Variants in BFSP1 observed in about 807,000 individuals in gnomAD.
BFSP1 encodes filensin.
BFSP1 carries 38 observed loss-of-function variants against 43.9 expected under a neutral mutation model. That is an observed-to-expected ratio of 0.87 (90% CI 0.67 to 1.14). The LOEUF (loss-of-function observed/expected upper bound fraction) is 1.14. Among genes scored for constraint, BFSP1 ranks in the 50% most tolerant of loss-of-function variants. BFSP1 has a pLI of 0.00. For synonymous variants in BFSP1, 352 were observed against 354.8 expected, an observed-to-expected ratio of 0.99 and a Z score of 0.09; for missense variants, 850 against 875.1, an observed-to-expected ratio of 0.97 and a Z score of 0.36.
rs918789168 is a variant in BFSP1, at chr20:17,516,870, G to A, written c.439-2054C>T. The A allele has an allele frequency of 8.2e-5, 54 of 661,928 alleles. No individual in the cohort carries two copies. In the South Asian group the frequency reaches 9.3e-4, roughly 11 times the overall value. The allele number at this position is 661,928 out of a possible 1,614,324, so 41.0% of individuals were successfully genotyped here. A position where few individuals can be genotyped will look rare whatever the true frequency, so the allele number is the denominator to read the frequency against. On this transcript the variant is annotated intron_variant, in intron 2 of 7. Transcript: ENST00000377873. ...GCAGATTTTTGTGAAAACCCTCACA[G>A]GGAAGACCATCACCCTCAAGGTTGA...
intron 1 of BFSP1, among the ~76,000 whole-genome samples, chr20:17,549,267 G>A (rs141552168): frequency 5.3e-5 from 8 of 152,074 alleles, no homozygotes; most frequent in Non-Finnish European, 1.0e-4. Context: ...GTCTGTACTC[G>A]CACTGCTATA....
chr20:17,561,607 T>A (rs967689743), upstream of BFSP1, among the ~76,000 whole-genome samples: 5 of 152,238 alleles, frequency 3.3e-5, no homozygotes, highest in Non-Finnish European at 5.9e-5. Flanking sequence ...GCTGCATTTC[T>A]GCATGTATTG....
intron 5 of BFSP1, among the ~76,000 whole-genome samples, chr20:17,505,926 A>C (rs2123474508): frequency 1.3e-5 from 2 of 152,300 alleles, no homozygotes; most frequent in East Asian, 3.9e-4. Flanking sequence ...TTGGTGCTAC[A>C]CCCTTGAATA....
At chr20:17,554,136 A>G (rs1259520236) in intron 1 of BFSP1, among the ~76,000 whole-genome samples, 1 of 152,024 alleles carries the variant, frequency 6.6e-6, no homozygotes, top group Non-Finnish European at 1.5e-5. Context: ...AACAAAAGAA[A>G]ATATAAAAAT....
intron 7 of BFSP1, among the ~76,000 whole-genome samples, chr20:17,496,218 C>CA (rs2033628511): frequency 1.3e-5 from 2 of 152,262 alleles, no homozygotes; most frequent in Non-Finnish European, 2.9e-5. Flanking sequence ...GTTCCCTTTC[C>CA]AACCATGTTG....
intron 5 of BFSP1, 96 bp from the exon 6 acceptor site, chr20:17,499,136 T>C (rs2033730369): frequency 9.2e-7 from 1 of 1,090,922 alleles, no homozygotes; most frequent in African/African-American, 1.6e-5. Context: ...GTGAATGTTT[T>C]ATGTTGTTTG....
At chr20:17,515,876 C>T (rs914617729) in intron 2 of BFSP1, among the ~76,000 whole-genome samples, 7 of 152,178 alleles carry the variant, frequency 4.6e-5, no homozygotes, top group South Asian at 2.1e-4. Context: ...AAGGGGAACA[C>T]GTGGTCTGAC....
intron 4 of BFSP1, 74 bp downstream of exon 4, chr20:17,511,902 G>A (rs2034089589): frequency 2.2e-6 from 3 of 1,375,482 alleles, no homozygotes; most frequent in African/African-American, 1.4e-5. Context: ...TCCAACCTGT[G>A]AGCCCTTCCC....
At chr20:17,547,026 C>CAAAAAA (rs11324389) in intron 1 of BFSP1, among the ~76,000 whole-genome samples, 4 of 77,594 alleles carry the variant, frequency 5.2e-5, no homozygotes, top group Admixed American at 1.5e-4. Flanking sequence ...GACTCCATCT[C>CAAAAAA]AAAAAAAAAA....
In BFSP1 at chr20:17,541,095, C is replaced by T. The variant is rs758220018; in HGVS notation, c.3-16187G>A. ...ATCCCAGCTACTTGAGAGGCTGAGG[C>T]GGGAGGATCACTGGAGACCGGGAGT... On this transcript the variant is annotated intron_variant, in intron 1 of 7. Coordinates refer to the BFSP1 transcript ENST00000377868. The T allele has an allele frequency of 6.1e-4, 121 of 197,972 alleles. 1 individual carries two copies. Among genetic ancestry groups the T allele is most frequent in the Middle Eastern group, 2.6e-3 (1 of 392 alleles). The allele number at this position is 197,972 out of a possible 1,614,324, so 12.3% of individuals were successfully genotyped here.
chr20:17,564,096 G>A (rs1046963743), intron 1 of BFSP1, among the ~76,000 whole-genome samples: 2 of 151,940 alleles, frequency 1.3e-5, no homozygotes, highest in Non-Finnish European at 2.9e-5. Context: ...ACTTTGGGAG[G>A]CGGAGGCAGG....
chr20:17,542,287 T>G (rs137971955), intron 1 of BFSP1, among the ~76,000 whole-genome samples: 1 of 152,126 alleles, frequency 6.6e-6, no homozygotes, highest in Non-Finnish European at 1.5e-5. Context: ...AAGACATTTC[T>G]CTCCTAGAAA....
chr20:17,532,417 A>G (rs958337737), upstream of BFSP1, among the ~76,000 whole-genome samples: 6 of 151,558 alleles, frequency 4.0e-5, no homozygotes, highest in African/African-American at 9.7e-5. Context: ...AAAAAAAAAA[A>G]AAAAGAAAAA....
At chr20:17,506,839 TTATCTG>T (rs2033949582) in intron 5 of BFSP1, 1 of 152,176 alleles carries the variant, frequency 6.6e-6, no homozygotes, top group Admixed American at 6.5e-5. Flanking sequence ...TTCCTTTAAA[TTATCTG>T]TATTTTATTT....
intron 1 of BFSP1, among the ~76,000 whole-genome samples, chr20:17,537,568 CAAAAA>C (rs901895418): frequency 3.1e-5 from 2 of 63,824 alleles, no homozygotes; most frequent in African/African-American, 5.8e-5. Context: ...ACTGAAGCAC[CAAAAA>C]AAAAAAAAAA....
chr20:17,558,118 A>G (rs1247563530), intron 1 of BFSP1, among the ~76,000 whole-genome samples: 2 of 147,590 alleles, frequency 1.4e-5, no homozygotes, highest in African/African-American at 2.5e-5. Context: ...ACACACAAAG[A>G]TGGGGGGGGG....
chr20:17,535,480 G>A (rs148022951), upstream of BFSP1, among the ~76,000 whole-genome samples: 4 of 152,272 alleles, frequency 2.6e-5, no homozygotes, highest in Non-Finnish European at 5.9e-5. Flanking sequence ...GCAGTGAGTC[G>A]AGATAATGCC....
In BFSP1 at chr20:17,551,502, T is replaced by A. The variant is rs182124623; in HGVS notation, c.2+7186A>T. On this transcript the variant is annotated intron_variant, in intron 1 of 7. Coordinates refer to the BFSP1 transcript ENST00000377868. Reference sequence around the variant, plus strand: ...TACAATTCAACTTGAAATTTAGAGGTGACAACATCCAAACTATATCAGTGC... The same window carrying A: ...TACAATTCAACTTGAAATTTAGAGGAGACAACATCCAAACTATATCAGTGC... 2.4e-3 allele frequency among the ~76,000 whole-genome samples: 366 copies of A among 152,244 alleles called. 8 individuals are homozygous for A. Among genetic ancestry groups the A allele is most frequent in the Admixed American group, 0.022 (343 of 15,296 alleles).
At chr20:17,498,192 A>G (rs2033702175) in intron 6 of BFSP1, among the ~76,000 whole-genome samples, 1 of 152,198 alleles carries the variant, frequency 6.6e-6, no homozygotes, top group Non-Finnish European at 1.5e-5. Flanking sequence ...AAGAATCACA[A>G]ATTAATTCCC....
Sources: allele counts gnomAD v4.1 joint callset (sites outside exome capture counted in the v4.1 genomes callset), GRCh38; gene constraint gnomAD v4.1.1; transcripts MANE v1.5; gene names NCBI Gene and HGNC (gene_info 2026-07-23, HGNC 2026-07-21).